Variants in CD9 observed in about 807,000 individuals in gnomAD.
The protein encoded by CD9 is CD9 antigen.
A neutral mutation model predicts 31.4 loss-of-function variants in CD9; 10 were observed. That is an observed-to-expected ratio of 0.32 (90% confidence interval 0.20 to 0.54). CD9 has a LOEUF of 0.54. CD9 is among the 20% of genes least tolerant of loss of function. The pLI, the probability that CD9 is intolerant of heterozygous loss-of-function variation, is 0.94. For missense variants in CD9, 259 were observed against 300.1 expected, an observed-to-expected ratio of 0.86 and a Z score of 1.01; for synonymous variants, 113 against 114.1, an observed-to-expected ratio of 0.99 and a Z score of 0.06.
chr12:6,217,446 G>A (rs974483037), intron 1 of CD9, among the ~76,000 whole-genome samples: 9 of 152,150 alleles, frequency 5.9e-5, no homozygotes, highest in Non-Finnish European at 1.2e-4. Flanking sequence ...TAGGAGGATC[G>A]CTTGAGCCCG....
At chr12:6,229,222 G>T (rs1946409346) in intron 2 of CD9, among the ~76,000 whole-genome samples, 1 of 152,206 alleles carries the variant, frequency 6.6e-6, no homozygotes, top group South Asian at 2.1e-4. Context: ...CATCTAGGGG[G>T]GCTCCAGCCA....
chr12:6,218,947 T>C (rs11568225), intron 1 of CD9, among the ~76,000 whole-genome samples: 8,822 of 152,186 alleles, frequency 0.058, 311 homozygotes, highest in Non-Finnish European at 0.075. Context: ...CTTTGAGGGA[T>C]GGGGGTGCTG....
chr12:6,235,804 C>T, intron 6 of CD9: 14 of 1,383,736 alleles, frequency 1.0e-5, no homozygotes, highest in Non-Finnish European at 1.3e-5. Context: ...GCTGCCAGCC[C>T]GGAAGCTCTC....
At chr12:6,204,574 G>T (rs904388919) in intron 1 of CD9, among the ~76,000 whole-genome samples, 2 of 152,098 alleles carry the variant, frequency 1.3e-5, no homozygotes, top group Non-Finnish European at 2.9e-5. Flanking sequence ...GGTGTTCATT[G>T]CCCGTATACC....
chr12:6,221,979 G>A (rs1184751731), intron 1 of CD9, among the ~76,000 whole-genome samples: 3 of 152,124 alleles, frequency 2.0e-5, no homozygotes. Flanking sequence ...TGGGTGACGA[G>A]AGCAAGACCC....
intron 1 of CD9, among the ~76,000 whole-genome samples, chr12:6,210,551 C>T (rs1173822396): frequency 6.6e-6 from 1 of 152,182 alleles, no homozygotes; most frequent in Non-Finnish European, 1.5e-5. Flanking sequence ...ATGCAGCTGC[C>T]CTGCTGTCAG....
intron 1 of CD9, among the ~76,000 whole-genome samples, chr12:6,215,200 A>T (rs1257434033): frequency 1.3e-5 from 2 of 152,136 alleles, no homozygotes; most frequent in Non-Finnish European, 2.9e-5. Flanking sequence ...TCTCCCTAAC[A>T]CACACAAAGC....
chr12:6,200,840 C>A, intron 1 of CD9: 1 of 390,298 alleles, frequency 2.6e-6, no homozygotes, highest in Non-Finnish European at 4.6e-6. Context: ...CGGGAGGGTC[C>A]TGAGCACTTT....
chr12:6,229,830 T>C (rs1946421121), intron 2 of CD9, among the ~76,000 whole-genome samples: 2 of 151,924 alleles, frequency 1.3e-5, no homozygotes, highest in African/African-American at 4.8e-5. Context: ...CTTTTTTTTT[T>C]TTTTTTCTGG....
intron 1 of CD9, among the ~76,000 whole-genome samples, chr12:6,207,015 A>G (rs1946139955): frequency 6.6e-6 from 1 of 151,620 alleles, no homozygotes; most frequent in Non-Finnish European, 1.5e-5. Context: ...TCAGCCTCTC[A>G]AGTAGCTGGG....
chr12:6,214,639 C>T lies in CD9; in HGVS notation c.67-10787C>T, dbSNP rs188142364. Among the ~76,000 whole-genome samples the T allele has an allele frequency of 3.8e-3, 578 of 152,238 alleles. 3 individuals are homozygous for T. The Middle Eastern group carries it at 0.048, about 13-fold the overall frequency. ...GTGCTAGGTCAGGTCAGAGGCCTGA[C>T]CATCAGCCTCTGAGTGTATTCTTTT... On this transcript the variant is annotated intron_variant, in intron 1 of 7. Transcript: ENST00000009180.
At chr12:6,206,852 G>A (rs371263159) in intron 1 of CD9, among the ~76,000 whole-genome samples, 41 of 151,068 alleles carry the variant, frequency 2.7e-4, no homozygotes, top group African/African-American at 9.2e-4. Context: ...GAATCAGTAC[G>A]ACCTGCCTCC....
chr12:6,235,656 C>T, intron 6 of CD9, 91 bp downstream of exon 6: 1 of 1,481,622 alleles, frequency 6.7e-7, no homozygotes, highest in South Asian at 1.4e-5. Context: ...AGTGCTGCTT[C>T]AGCAAGACCC....
At chr12:6,200,727 C>G (rs1285196087) in intron 1 of CD9, 162 bp downstream of exon 1, 2 of 525,468 alleles carry the variant, frequency 3.8e-6, no homozygotes, top group Non-Finnish European at 6.7e-6. Context: ...GCTCCAAGGC[C>G]GGGTCCAGAG....
At chr12:6,205,267 A>G (rs1455070361) in intron 1 of CD9, among the ~76,000 whole-genome samples, 1 of 152,102 alleles carries the variant, frequency 6.6e-6, no homozygotes, top group African/African-American at 2.4e-5. Context: ...TCTCTCCCCT[A>G]CACCCACAGT....
chr12:6,205,415 G>A (rs1365496241), intron 1 of CD9, among the ~76,000 whole-genome samples: 2 of 152,188 alleles, frequency 1.3e-5, no homozygotes, highest in African/African-American at 2.4e-5. Context: ...GTGCTCAGAG[G>A]AAGCAGCTGC....
chr12:6,228,694 C>T (rs1946401475), intron 2 of CD9, among the ~76,000 whole-genome samples: 1 of 152,194 alleles, frequency 6.6e-6, no homozygotes, highest in Non-Finnish European at 1.5e-5. Flanking sequence ...GGAGGCGTCG[C>T]TCTGTGTCCC....
At chr12:6,227,591 T>C (rs1378684228) in intron 2 of CD9, among the ~76,000 whole-genome samples, 1 of 152,146 alleles carries the variant, frequency 6.6e-6, no homozygotes, top group East Asian at 1.9e-4. Context: ...CTACGAGGAG[T>C]GTGGAGTGAT....
In CD9 at chr12:6,214,508, A is replaced by G. The variant is rs575455966; in HGVS notation, c.67-10918A>G. ...ACTACAGGCGTGTGCCACCATTCCCAGCTAAGTTTTTGTATTTTTTAGTAG... is the reference window on the plus strand; with the variant it reads ...ACTACAGGCGTGTGCCACCATTCCCGGCTAAGTTTTTGTATTTTTTAGTAG... On this transcript the variant is annotated intron_variant, in intron 1 of 7. Transcript: ENST00000009180. Among the ~76,000 whole-genome samples the G allele has an allele frequency of 4.6e-5, 7 of 151,434 alleles. No homozygotes were observed. In the South Asian group the frequency reaches 1.5e-3, roughly 32 times the overall value.
Sources: allele counts gnomAD v4.1 joint callset (sites outside exome capture counted in the v4.1 genomes callset), GRCh38; gene constraint gnomAD v4.1.1; transcripts MANE v1.5; gene names NCBI Gene and HGNC (gene_info 2026-07-23, HGNC 2026-07-21).